Variants in PAGE2B observed in about 807,000 individuals in gnomAD.
PAGE2B encodes the protein PAGE family member 2B.
Under a neutral mutation model 7.6 loss-of-function variants are expected in PAGE2B, and 5 were observed. That is an observed-to-expected ratio of 0.66 (90% confidence interval 0.34 to 1.38). The LOEUF (loss-of-function observed/expected upper bound fraction) is 1.38, where lower values mean the gene tolerates loss of function less well. PAGE2B is among the 40% of genes most tolerant of loss of function. The probability of loss-of-function intolerance (pLI) is 0.04; values close to 1 mark genes in which losing one functional copy is unlikely to be tolerated. For missense variants in PAGE2B, 70 were observed against 78.4 expected (o/e 0.89, Z 0.41); for synonymous variants, 29 against 26.7 (o/e 1.09, Z -0.27).
Position 55,076,637 on chromosome X carries a change from T to C in PAGE2B, c.153T>C (p.Pro51=). 1 of 1,208,028 alleles carries C rather than the reference T, an allele frequency of 8.3e-7. No homozygotes were observed. Among genetic ancestry groups the C allele is most frequent in the Admixed American group, 2.2e-5 (1 of 45,557 alleles). ...CAACTGATAATCAGGGTATTGCACC[T>C]AGTGGGGAGATCGAAAATGAAGGAG... ...EPPTDNQGIA[P]SGEIENEGAP... Residue 51 remains proline (P), a synonymous_variant, in exon 3 of 5, where the codon CCT becomes CCC. Coordinates refer to ENST00000374971, the MANE Select transcript of PAGE2B (RefSeq NM_001015038.3).
intron 2 of PAGE2B, among the ~76,000 whole-genome samples, 197 bp downstream of exon 2, chrX:55,076,322 C>A (rs971356667): frequency 4.8e-4 from 51 of 106,607 alleles, no homozygotes; most frequent in African/African-American, 1.7e-3. Context: ...CTCTCTCTCT[C>A]TCTCTATATA....
the PAGE2B span, among the ~76,000 whole-genome samples, chrX:55,052,673 G>T: frequency 1.2e-4 from 13 of 112,930 alleles, 1 homozygote; most frequent in Non-Finnish European, 2.4e-4. Context: ...CAGTATTAGG[G>T]TGGGAGTGAC....
the PAGE2B span, among the ~76,000 whole-genome samples, chrX:55,031,482 C>G: frequency 8.9e-6 from 1 of 112,076 alleles, no homozygotes; most frequent in African/African-American, 3.2e-5. Context: ...ATAACACCTA[C>G]TGTTGACTGA....
At chrX:55,032,314 AT>A in the PAGE2B span, among the ~76,000 whole-genome samples, 1 of 112,155 alleles carries the variant, frequency 8.9e-6, no homozygotes. Context: ...GTTATTTTCA[AT>A]TTTTAAAATA....
the PAGE2B span, among the ~76,000 whole-genome samples, chrX:55,044,524 A>C: frequency 9.0e-6 from 1 of 110,705 alleles, no homozygotes; most frequent in South Asian, 3.9e-4. Flanking sequence ...TGGGTGATGC[A>C]TGCACCATAA....
At chrX:55,048,722 T>A in the PAGE2B span, among the ~76,000 whole-genome samples, 16 of 111,712 alleles carry the variant, frequency 1.4e-4, no homozygotes, top group South Asian at 6.0e-3. Flanking sequence ...TGATGGGGTT[T>A]TCTAGATATA....
chrX:55,058,434 T>C, the PAGE2B span, among the ~76,000 whole-genome samples: 1 of 111,453 alleles, frequency 9.0e-6, no homozygotes, highest in African/African-American at 3.2e-5. Context: ...TGCATTATTT[T>C]ATCTGAGTAT....
the PAGE2B span, among the ~76,000 whole-genome samples, chrX:55,057,044 G>T: frequency 9.0e-6 from 1 of 111,467 alleles, no homozygotes; most frequent in Middle Eastern, 4.6e-3. Context: ...AAGACAAGGG[G>T]GTAGGAGCAT....
the PAGE2B span, chrX:55,044,920 A>G: frequency 8.9e-6 from 1 of 112,059 alleles, no homozygotes; most frequent in Non-Finnish European, 1.9e-5. Flanking sequence ...ATAATCTTGA[A>G]GTTTACACAG....
At chrX:55,050,028 A>T in the PAGE2B span, among the ~76,000 whole-genome samples, 3 of 112,093 alleles carry the variant, frequency 2.7e-5, no homozygotes, top group African/African-American at 9.7e-5. Flanking sequence ...CATTGGTTTC[A>T]AAGACCATCT....
Position 55,076,425 on chromosome X carries a change from T to A in PAGE2B, c.85-144T>A, listed in dbSNP as rs180851581. 11 of 561,063 alleles carry A rather than the reference T, an allele frequency of 2.0e-5. No individual in the cohort carries two copies. In the Admixed American group the frequency reaches 3.5e-4, roughly 18 times the overall value. The allele number at this position is 561,063 out of a possible 1,213,427, so 46.2% of individuals were successfully genotyped here. Reference sequence around the variant, plus strand: ...GTATATATGTATGTATATACGTATGTATGTATATATACATATATGTATATA... The same window carrying A: ...GTATATATGTATGTATATACGTATGAATGTATATATACATATATGTATATA... On this transcript the variant is annotated intron_variant, in intron 2 of 4. Coordinates refer to ENST00000374971, the MANE Select transcript of PAGE2B (RefSeq NM_001015038.3).
chrX:55,052,763 A>T, the PAGE2B span, among the ~76,000 whole-genome samples: 2 of 112,877 alleles, frequency 1.8e-5, no homozygotes, highest in African/African-American at 6.4e-5. Context: ...TTCCCGGGTG[A>T]GGCGATGCCT....
chrX:55,035,758 A>G, the PAGE2B span, among the ~76,000 whole-genome samples: 1 of 112,249 alleles, frequency 8.9e-6, no homozygotes, highest in East Asian at 2.8e-4. Context: ...GAAGATACTG[A>G]TAATATCTAC....
chrX:55,075,509 G>T (rs1161593273), intron 1 of PAGE2B, among the ~76,000 whole-genome samples: 1 of 111,057 alleles, frequency 9.0e-6, no homozygotes, highest in African/African-American at 3.3e-5. Context: ...GCTGTGGGCC[G>T]GTGACTGTGG....
chrX:55,076,205 A>G, intron 2 of PAGE2B, 80 bp downstream of exon 2: 2 of 1,039,410 alleles, frequency 1.9e-6, no homozygotes, highest in Non-Finnish European at 2.6e-6. Flanking sequence ...ACACGCACTG[A>G]TACAGGTGTT....
chrX:55,028,962 G>A, the PAGE2B span, among the ~76,000 whole-genome samples: 2 of 112,052 alleles, frequency 1.8e-5, no homozygotes, highest in Non-Finnish European at 3.8e-5. Flanking sequence ...TCTGGAAAAT[G>A]TTGGTAATAA....
At chrX:55,029,997 G>A in the PAGE2B span, among the ~76,000 whole-genome samples, 1 of 85,416 alleles carries the variant, frequency 1.2e-5, no homozygotes, top group African/African-American at 4.7e-5. Flanking sequence ...AGTCAATTAG[G>A]TCTGGAAGGG....
At chrX:55,037,253 A>G in the PAGE2B span, among the ~76,000 whole-genome samples, 1 of 112,415 alleles carries the variant, frequency 8.9e-6, no homozygotes, top group African/African-American at 3.2e-5. Flanking sequence ...ATATGAACAG[A>G]CACTTCTCAA....
At position 55,077,445 on chromosome X, in the gene PAGE2B, A is replaced by C; in HGVS notation, c.240A>C (p.Ile80=). 1 of 1,211,955 alleles carries C rather than the reference A, an allele frequency of 8.3e-7. No homozygotes were observed. The highest frequency in any genetic ancestry group is 1.1e-6 in the Non-Finnish European group (1 of 895,485). The change falls in exon 4 of 5, where the codon ATA becomes ATC. Residue 80 remains isoleucine (I), a synonymous_variant. Transcript: ENST00000374971. ...AFQQELALLK[I]EDEPGDGPDV... ...AACAGGAACTGGCTCTGCTTAAGAT[A>C]GAGGATGAGCCTGGAGATGGTCCTG... is the stretch of plus-strand genomic sequence containing the variant.
Sources: allele counts gnomAD v4.1 joint callset (sites outside exome capture counted in the v4.1 genomes callset), GRCh38; gene constraint gnomAD v4.1.1; transcripts MANE v1.5; gene names NCBI Gene and HGNC (gene_info 2026-07-23, HGNC 2026-07-21).